The following CYRIA variants were observed in gnomAD, a reference collection of about 807,000 sequenced individuals.
The protein encoded by CYRIA is CYFIP related Rac1 interactor A, also known as CYFIP-related Rac1 interactor A.
In CYRIA, 15 loss-of-function variants were observed where a neutral mutation model predicts 43.9. The observed-to-expected ratio is 0.34, with a 90% confidence interval of 0.23 to 0.53. The LOEUF (loss-of-function observed/expected upper bound fraction) is 0.53. CYRIA is among the 20% of genes least tolerant of loss of function. CYRIA has a pLI of 0.94. For synonymous variants in CYRIA, 117 were observed against 136.0 expected (o/e 0.86, Z 0.97); for missense variants, 236 against 394.2 (o/e 0.60, Z 3.40).
At chr2:16,599,571 T>C (rs1572492850) in intron 2 of CYRIA, among the ~76,000 whole-genome samples, 2 of 137,058 alleles carry the variant, frequency 1.5e-5, no homozygotes, top group South Asian at 5.2e-4. Context: ...GGTGAGGCAA[T>C]GCCTCGCCCT....
intron 10 of CYRIA, 106 bp from the exon 11 acceptor site, chr2:16,555,245 A>G: frequency 9.2e-7 from 1 of 1,086,742 alleles, no homozygotes; most frequent in Non-Finnish European, 1.3e-6. Context: ...ATCTTCCCAT[A>G]GAAATCCAAC....
At chr2:16,615,907 C>T (rs954374014) in intron 2 of CYRIA, among the ~76,000 whole-genome samples, 33 of 152,330 alleles carry the variant, frequency 2.2e-4, no homozygotes, top group African/African-American at 6.3e-4. Flanking sequence ...ACAGGGCAGG[C>T]GCCCTCCACA....
rs929592997 is a variant in CYRIA at position 16,612,222 on chromosome 2, A to G, written c.-11+11642T>C. Among the ~76,000 whole-genome samples the G allele has an allele frequency of 1.2e-4, 19 of 152,280 alleles. No individual in the cohort carries two copies. The East Asian group carries it at 3.1e-3, about 25-fold the overall frequency. On this transcript the variant is annotated intron_variant, in intron 2 of 11. Transcript: ENST00000381323. ...GAAGAATGATAGTGTGAAGGCCACA[A>G]TCAGAATCCAAGTTCTTCCAGCCTG... is the stretch of plus-strand genomic sequence containing the variant.
At chr2:16,623,187 T>C (rs1231975672) in intron 2 of CYRIA, 1 of 152,178 alleles carries the variant, frequency 6.6e-6, no homozygotes, top group Non-Finnish European at 1.5e-5. Context: ...AGCTGAACGC[T>C]TGACCAAACT....
intron 1 of CYRIA, among the ~76,000 whole-genome samples, chr2:16,652,348 T>C (rs1045283363): frequency 6.6e-6 from 1 of 152,190 alleles, no homozygotes; most frequent in Non-Finnish European, 1.5e-5. Context: ...AGGATTCAGA[T>C]GGGCAGAGGA....
chr2:16,639,436 T>C (rs1373852266), intron 1 of CYRIA, among the ~76,000 whole-genome samples: 1 of 152,256 alleles, frequency 6.6e-6, no homozygotes, highest in Non-Finnish European at 1.5e-5. Context: ...GCCCAGTTGA[T>C]TTCAGTTTCC....
In CYRIA at chr2:16,561,238, G is replaced by T. The variant is rs1666717185; in HGVS notation, c.553C>A (p.Arg185=). 1.9e-6 allele frequency: 3 copies of T among 1,613,590 alleles called. No individual in the cohort carries two copies. The highest frequency in any genetic ancestry group is 1.7e-6 in the Non-Finnish European group (2 of 1,179,590). The change falls in exon 8 of 12, where the codon CGA becomes AGA. Residue 185 remains arginine (R), a synonymous_variant. Transcript: ENST00000381323. The part of the protein sequence containing the change: ...ENEVNNEMAN[R]MSLFYAEATP... ...GCTTCTGCATAGAAGAGGGACATTC[G>T]ATTGGCCATCTCATTATTGACTTCA...
intron 2 of CYRIA, among the ~76,000 whole-genome samples, chr2:16,607,232 G>A (rs1043807051): frequency 1.3e-5 from 2 of 148,872 alleles, no homozygotes; most frequent in South Asian, 2.2e-4. Context: ...CTGTGCAGAC[G>A]GTCAACCTAA....
At chr2:16,605,348 A>C (rs1668361027) in intron 2 of CYRIA, among the ~76,000 whole-genome samples, 1 of 152,226 alleles carries the variant, frequency 6.6e-6, no homozygotes, top group Non-Finnish European at 1.5e-5. Flanking sequence ...CCCCACTTTC[A>C]AATGCTAGTG....
intron 1 of CYRIA, among the ~76,000 whole-genome samples, chr2:16,630,636 G>A (rs559114603): frequency 1.3e-5 from 2 of 152,228 alleles, no homozygotes; most frequent in African/African-American, 4.8e-5. Flanking sequence ...ACAACCGCTG[G>A]GGTGGGTTCC....
chr2:16,629,521 G>A (rs749281289), intron 1 of CYRIA, among the ~76,000 whole-genome samples: 8 of 152,184 alleles, frequency 5.3e-5, no homozygotes, highest in Admixed American at 3.9e-4. Flanking sequence ...TGAAGAGACC[G>A]TTTCTGGCGT....
At chr2:16,601,269 A>G (rs1668195993) in intron 2 of CYRIA, among the ~76,000 whole-genome samples, 1 of 152,136 alleles carries the variant, frequency 6.6e-6, no homozygotes, top group Admixed American at 6.5e-5. Context: ...CGTGAAGAAT[A>G]CTGGGAATCC....
At chr2:16,576,532 T>C (rs1236279916) in intron 3 of CYRIA, among the ~76,000 whole-genome samples, 1 of 152,180 alleles carries the variant, frequency 6.6e-6, no homozygotes, top group Non-Finnish European at 1.5e-5. Flanking sequence ...CCTGCAACTG[T>C]CTCTTCTATC....
chr2:16,635,032 C>T (rs1245372036), intron 1 of CYRIA, among the ~76,000 whole-genome samples: 1 of 152,242 alleles, frequency 6.6e-6, no homozygotes, highest in African/African-American at 2.4e-5. Flanking sequence ...CACTGTTTGA[C>T]TTGAGCAAGT....
At chr2:16,641,940 T>C (rs1319485694) in intron 1 of CYRIA, among the ~76,000 whole-genome samples, 1 of 152,204 alleles carries the variant, frequency 6.6e-6, no homozygotes, top group Admixed American at 6.5e-5. Flanking sequence ...AGACTTTATT[T>C]ACTTGATCTC....
chr2:16,586,338 G>A (rs549099244), intron 3 of CYRIA, among the ~76,000 whole-genome samples: 2 of 152,126 alleles, frequency 1.3e-5, no homozygotes, highest in South Asian at 4.1e-4. Flanking sequence ...AATTTGTTTT[G>A]CACATTTAAA....
chr2:16,630,780 T>C (rs1347917100), intron 1 of CYRIA, among the ~76,000 whole-genome samples: 1 of 152,190 alleles, frequency 6.6e-6, no homozygotes, highest in Non-Finnish European at 1.5e-5. Context: ...CACAATTGGA[T>C]GTCAGACAAA....
At chr2:16,591,600 G>A (rs1427812531) in intron 2 of CYRIA, among the ~76,000 whole-genome samples, 2 of 152,060 alleles carry the variant, frequency 1.3e-5, no homozygotes, top group African/African-American at 4.8e-5. Context: ...CTTGGTTAGG[G>A]TGTACTCTGA....
At chr2:16,553,859 C>T (rs558820732) in intron 11 of CYRIA, among the ~76,000 whole-genome samples, 1 of 152,198 alleles carries the variant, frequency 6.6e-6, no homozygotes, top group Non-Finnish European at 1.5e-5. Context: ...AAGCTCAACA[C>T]ACTCAGAAGT....
Sources: gnomAD v4.1 joint callset for allele counts (sites outside exome capture counted in the v4.1 genomes callset) on GRCh38, gnomAD v4.1.1 for gene constraint, MANE v1.5 for transcripts, NCBI Gene and HGNC (gene_info 2026-07-23, HGNC 2026-07-21) for gene names.